LSP1: variants seen among roughly 807,000 people sequenced by gnomAD.
The protein encoded by LSP1 is lymphocyte-specific protein 1.
Under a neutral mutation model 49.3 loss-of-function variants are expected in LSP1, and 32 were observed. That is an observed-to-expected ratio of 0.65 (90% CI 0.49 to 0.87). LSP1 has a LOEUF of 0.87. LSP1 is among the 40% of genes least tolerant of loss of function. The probability of loss-of-function intolerance (pLI) is 0.00; values close to 1 mark genes in which losing one functional copy is unlikely to be tolerated. For missense variants in LSP1, 428 were observed against 442.6 expected, an observed-to-expected ratio of 0.97 and a Z score of 0.30; for synonymous variants, 179 against 178.8, an observed-to-expected ratio of 1.00 and a Z score of -0.01.
Position 1,883,431 on chromosome 11 carries a change from T to A in LSP1, c.369T>A (p.His123Gln), listed in dbSNP as rs1407439097. The change falls in exon 4 of 11, where the codon CAT becomes CAA. Residue 123 changes from histidine to glutamine, a missense_variant. Physicochemically the swap from His to Gln is conservative, Grantham distance 24 (BLOSUM62 0). Coordinates refer to ENST00000311604, the MANE Select transcript of LSP1 (RefSeq NM_002339.3). ...TTTCCACCCACAGGCCCGGCCTGCA[T>A]GCCTACGAAAAGGAGGACAGTGATG... ...EGEQEDRPGLHAYEKEDSDEV... is the reference protein window; with the variant it reads ...EGEQEDRPGLQAYEKEDSDEV... 1.9e-6 allele frequency: 3 copies of A among 1,613,904 alleles called. No homozygotes were observed. In the African/African-American group the frequency reaches 4.0e-5, roughly 22 times the overall value.
intron 10 of LSP1, chr11:1,890,838 G>C: frequency 1.8e-6 from 1 of 545,350 alleles, no homozygotes; most frequent in South Asian, 2.5e-5. Context: ...CCAGGGATGG[G>C]GCTAGAACCT....
chr11:1,871,433 G>T lies in LSP1; in HGVS notation c.54-8654G>T, dbSNP rs954689643. On this transcript the variant is annotated intron_variant, in intron 1 of 10. Coordinates refer to ENST00000311604, the MANE Select transcript of LSP1 (RefSeq NM_002339.3). ...AAGAGGTAGGGCACCCAGCGCAAGG[G>T]AGGTGATGGGCTGGTCAGCAGGACA... The T allele has an allele frequency of 1.2e-5, 12 of 986,288 alleles. No individual in the cohort carries two copies. In the African/African-American group the frequency reaches 2.1e-4, roughly 17 times the overall value. The allele number at this position is 986,288 out of a possible 1,614,324, so 61.1% of individuals were successfully genotyped here.
chr11:1,866,413 GGCA>G (rs1847790032), intron 1 of LSP1: 1 of 1,418,394 alleles, frequency 7.1e-7, no homozygotes, highest in Non-Finnish European at 9.4e-7. Flanking sequence ...AGGAGTTGAG[GGCA>G]GCCCGGCTCA....
At chr11:1,866,623 G>A in intron 1 of LSP1, 1 of 1,550,388 alleles carries the variant, frequency 6.4e-7, no homozygotes, top group Non-Finnish European at 8.7e-7. Context: ...CCTCCTCCTG[G>A]GCTTCCAGGC....
At chr11:1,862,386 A>G (rs533151455) in intron 1 of LSP1, among the ~76,000 whole-genome samples, 12 of 152,314 alleles carry the variant, frequency 7.9e-5, no homozygotes, top group African/African-American at 2.4e-4. Context: ...TTCTCTAGTG[A>G]CAGGGAAGTC....
chr11:1,871,196 A>G, intron 1 of LSP1: 2 of 985,986 alleles, frequency 2.0e-6, no homozygotes, highest in African/African-American at 1.7e-5. Context: ...CACAGCACGC[A>G]GAACAGGAGG....
chr11:1,881,339 C>T, intron 2 of LSP1, 93 bp from the exon 3 acceptor site: 3 of 1,279,960 alleles, frequency 2.3e-6, no homozygotes, highest in South Asian at 1.5e-5. Context: ...CACTTGGAGT[C>T]CAGGGCCTGA....
At chr11:1,875,399 T>G (rs1043361228) in intron 1 of LSP1, among the ~76,000 whole-genome samples, 1 of 152,170 alleles carries the variant, frequency 6.6e-6, no homozygotes, top group Non-Finnish European at 1.5e-5. Flanking sequence ...GTCCCAGTGC[T>G]TCCTCCTGAG....
At chr11:1,860,001 C>T (rs1565070443) in intron 1 of LSP1, among the ~76,000 whole-genome samples, 1 of 152,072 alleles carries the variant, frequency 6.6e-6, no homozygotes, top group African/African-American at 2.4e-5. Context: ...AGGTATGTGT[C>T]GGGGATGATG....
At position 1,866,539 on chromosome 11, in the gene LSP1, C is replaced by A. The variant is rs530862911; in HGVS notation, c.53+13342C>A. On this transcript the variant is annotated intron_variant, in intron 1 of 10. Coordinates refer to ENST00000311604, the MANE Select transcript of LSP1 (RefSeq NM_002339.3). ...TGTCACCTGAGTTCAGGACCAGCAC[C>A]AGGATCTGCAGTGGGCCCCTGGCTG... 3.1e-5 allele frequency: 48 copies of A among 1,539,284 alleles called. No individual in the cohort carries two copies. In the African/African-American group the frequency reaches 5.6e-4, roughly 18 times the overall value.
chr11:1,854,178 C>A (rs1047160672), intron 1 of LSP1, among the ~76,000 whole-genome samples: 11 of 152,022 alleles, frequency 7.2e-5, no homozygotes, highest in African/African-American at 2.7e-4. Context: ...GGGATAGAGG[C>A]CGGCCTAGGA....
chr11:1,870,964 C>A, intron 1 of LSP1: 3 of 985,862 alleles, frequency 3.0e-6, no homozygotes, highest in Non-Finnish European at 3.6e-6. Context: ...GCCGGGCTGT[C>A]GGTGGACCTG....
At chr11:1,862,759 AATCTCGCCTCCCCTGGGTG>A (rs1471810778) in intron 1 of LSP1, among the ~76,000 whole-genome samples, 20 of 144,752 alleles carry the variant, frequency 1.4e-4, no homozygotes, top group African/African-American at 4.9e-4. Context: ...TCCCCTAGGT[AATCTCGCCTCCCCTGGGTG>A]ATCTCACCTC....
At position 1,887,481 on chromosome 11, in the gene LSP1, C is replaced by T. The variant is rs538542793; in HGVS notation, c.938C>T (p.Pro313Leu). 63 of 1,613,890 alleles carry T rather than the reference C, an allele frequency of 3.9e-5. No individual in the cohort carries two copies. In the South Asian group the frequency reaches 6.7e-4, roughly 17 times the overall value. Residue 313 changes from proline (P) to leucine (L), a missense_variant, in exon 10 of 11, where the codon CCA becomes CTA. Physicochemically the swap from Pro to Leu is moderately conservative, Grantham distance 98 (BLOSUM62 -3). Transcript: ENST00000311604. The part of the protein sequence containing the change: ...SKTSSTIKST[P>L]SGKRYKFVAT... ...GGTCTCCTTTCCCAACAGAGCACCCCATCTGGGAAGAGGTATAAGTTTGTG... is the reference window on the plus strand; with the variant it reads ...GGTCTCCTTTCCCAACAGAGCACCCTATCTGGGAAGAGGTATAAGTTTGTG...
chr11:1,890,209 G>T (rs17173834), intron 10 of LSP1: 73,402 of 716,780 alleles, frequency 0.1, 4,343 homozygotes, highest in African/African-American at 0.21. Context: ...TTCTGCAGGG[G>T]TGATGCCACG....
rs200946802 is a variant in LSP1 at position 1,887,330 on chromosome 11, G to A, written c.930+16G>A. ...AACAATTAAGGTAGAGCCTAAATGT[G>A]GTTGGTGCAGGCAGGGTGGGTGCAG... On this transcript the variant is annotated intron_variant, in intron 9 of 10. Transcript: ENST00000311604. 2.4e-5 allele frequency: 39 copies of A among 1,604,208 alleles called. No homozygotes were observed. The highest frequency in any genetic ancestry group is 2.0e-4 in the African/African-American group (15 of 74,714).
At chr11:1,853,329 C>A in intron 1 of LSP1, 132 bp downstream of exon 1, 2 of 913,506 alleles carry the variant, frequency 2.2e-6, no homozygotes, top group Non-Finnish European at 3.2e-6. Context: ...ACTTGGATGT[C>A]CGATGGGGAA....
chr11:1,857,393 C>A (rs1474300828), intron 1 of LSP1, among the ~76,000 whole-genome samples: 2 of 152,210 alleles, frequency 1.3e-5, no homozygotes, highest in Non-Finnish European at 2.9e-5. Flanking sequence ...ACCCTACGGG[C>A]CAGCCTGTCT....
intron 1 of LSP1, among the ~76,000 whole-genome samples, chr11:1,876,099 C>G (rs563779760): frequency 5.9e-5 from 9 of 152,352 alleles, no homozygotes; most frequent in African/African-American, 2.2e-4. Context: ...CCGACACACA[C>G]TCCGAAGCTG....
Sources: allele counts gnomAD v4.1 joint callset (sites outside exome capture counted in the v4.1 genomes callset), GRCh38; gene constraint gnomAD v4.1.1; transcripts MANE v1.5; gene names NCBI Gene and HGNC (gene_info 2026-07-23, HGNC 2026-07-21).